SLC44A2: variants seen among roughly 807,000 people sequenced by gnomAD.
SLC44A2 encodes choline transporter-like protein 2.
SLC44A2 carries 57 observed loss-of-function variants against 90.8 expected under a neutral mutation model. That is an observed-to-expected ratio of 0.63 (90% CI 0.51 to 0.78). The LOEUF (loss-of-function observed/expected upper bound fraction) is 0.78, where lower values mean the gene tolerates loss of function less well. SLC44A2 is among the 30% of genes least tolerant of loss of function. SLC44A2 has a pLI of 0.00. For missense variants in SLC44A2, 794 were observed against 919.7 expected (o/e 0.86, Z 1.77); for synonymous variants, 355 against 360.7 (o/e 0.98, Z 0.18).
intron 21 of SLC44A2, chr19:10,642,886 G>A (rs1482819828): frequency 2.5e-6 from 4 of 1,580,622 alleles, no homozygotes; most frequent in South Asian, 2.3e-5. Flanking sequence ...CGGTTCCCGG[G>A]GGGAGCCCAG....
chr19:10,639,670 G>C (rs993951071), intron 20 of SLC44A2, among the ~76,000 whole-genome samples: 2 of 152,206 alleles, frequency 1.3e-5, no homozygotes, highest in Non-Finnish European at 2.9e-5. Context: ...CCTGAGGTCA[G>C]GGGTTTGAGA....
chr19:10,627,534 C>T (rs2066946776), intron 2 of SLC44A2, among the ~76,000 whole-genome samples, 188 bp from the exon 3 acceptor site: 1 of 152,074 alleles, frequency 6.6e-6, no homozygotes, highest in South Asian at 2.1e-4. Context: ...GAGTGAGACT[C>T]TGTTGCACAA....
At chr19:10,640,100 TTTTTTTC>T (rs1367521232) in intron 20 of SLC44A2, among the ~76,000 whole-genome samples, 1 of 86,074 alleles carries the variant, frequency 1.2e-5, no homozygotes, top group Non-Finnish European at 2.3e-5. Context: ...TTTTTTTTTT[TTTTTTTC>T]TGCGATAGAG....
At chr19:10,626,110 G>A (rs1161038609) in intron 1 of SLC44A2, 143 bp from the exon 2 acceptor site, 5 of 713,010 alleles carry the variant, frequency 7.0e-6, no homozygotes, top group African/African-American at 1.7e-5. Flanking sequence ...CTGGAGGTGG[G>A]TGAGGCAGAA....
At chr19:10,636,885 C>G in intron 16 of SLC44A2, 129 bp downstream of exon 16, 2 of 970,524 alleles carry the variant, frequency 2.1e-6, no homozygotes, top group Non-Finnish European at 3.0e-6. Flanking sequence ...CTGTCTATGA[C>G]GGGGTGGAGT....
At position 10,636,308 on chromosome 19, in the gene SLC44A2, C is replaced by G; in HGVS notation, c.1234-15C>G. The G allele has an allele frequency of 6.2e-7, 1 of 1,602,656 alleles. No homozygotes were observed. Reference sequence around the variant, plus strand: ...GTGCCTCTTTTTGGACTCGGTTCTCCCTTCTCTCCCACAGACCTTCCCCTC... The same window carrying G: ...GTGCCTCTTTTTGGACTCGGTTCTCGCTTCTCTCCCACAGACCTTCCCCTC... On this transcript the variant is annotated splice_polypyrimidine_tract_variant and intron_variant, in intron 14 of 21. Transcript: ENST00000335757.
Position 10,638,304 on chromosome 19 carries a change from G to T in SLC44A2, c.1918G>T (p.Val640Phe). The T allele has an allele frequency of 6.2e-7, 1 of 1,613,964 alleles. No homozygotes were observed. The highest frequency in any genetic ancestry group is 8.5e-7 in the Non-Finnish European group (1 of 1,179,904). ...DTAPPLNYYW[V>F]PILTVIVGSY... The stretch of plus-strand genomic sequence containing the variant: ...AGCACCACCCCTCAATTATTACTGG[G>T]TTCCTATACTGGTATGGACCTCTGG... The change falls in exon 20 of 22, where the codon GTT (valine) becomes TTT (phenylalanine). Residue 640 changes from valine to phenylalanine, a missense_variant. Physicochemically the swap from Val to Phe is conservative, Grantham distance 50. Transcript: ENST00000335757.
rs1039258353 is a variant in SLC44A2 at position 10,635,341 on chromosome 19, G to A, written c.1148+86G>A. ...GAAGTGACCTGCAGCTTAGGGATAG[G>A]GCTGGAAACTGGTGGGAGAATGGAT... On this transcript the variant is annotated intron_variant, in intron 13 of 21. Transcript: ENST00000335757. 11 of 1,604,744 alleles carry A rather than the reference G, an allele frequency of 6.9e-6. No homozygotes were observed. In the African/African-American group the frequency reaches 1.5e-4, roughly 21 times the overall value.
At position 10,641,861 on chromosome 19, in the gene SLC44A2, GA is replaced by G. The variant is rs893962170; in HGVS notation, c.1930-494del. On this transcript the variant is annotated intron_variant, in intron 20 of 21. Transcript: ENST00000335757. ...ACCGTGAGACCCTGTCTCAAAAAAA[GA>G]AAAAAAAAAAAGGCCGGGTGTGCGG... Among the ~76,000 whole-genome samples the G allele has an allele frequency of 2.6e-3, 315 of 120,062 alleles. 1 individual carries two copies. The highest frequency in any genetic ancestry group is 7.4e-3 in the African/African-American group (243 of 32,966). The allele number at this position is 120,062 out of a possible 152,430, so 78.8% of individuals were successfully genotyped here.
In SLC44A2 at chr19:10,626,320, G is replaced by C; in HGVS notation, c.86+19G>C. On this transcript the variant is annotated intron_variant, in intron 2 of 21. Transcript: ENST00000335757. ...ACAATAGGTAAGAGCTCTGGGTTTTGGGGGGTTCTCCCCGCTAATACTACC... is the reference window on the plus strand; with the variant it reads ...ACAATAGGTAAGAGCTCTGGGTTTTCGGGGGTTCTCCCCGCTAATACTACC... The C allele has an allele frequency of 6.3e-7, 1 of 1,590,696 alleles. No individual in the cohort carries two copies. The highest frequency in any genetic ancestry group is 8.6e-7 in the Non-Finnish European group (1 of 1,163,260).
intron 16 of SLC44A2, chr19:10,636,982 C>CT: frequency 1.9e-6 from 1 of 518,354 alleles, no homozygotes; most frequent in Non-Finnish European, 3.4e-6. Context: ...GGGGACAGGC[C>CT]CAAGAGGCCT....
intron 20 of SLC44A2, 68 bp from the exon 21 acceptor site, chr19:10,642,299 G>A: frequency 7.5e-7 from 1 of 1,333,540 alleles, no homozygotes; most frequent in Non-Finnish European, 1.1e-6. Context: ...AGCATAGGAT[G>A]GACTCAGGGG....
intron 20 of SLC44A2, among the ~76,000 whole-genome samples, chr19:10,641,957 T>C (rs1241407700): frequency 3.3e-5 from 5 of 151,716 alleles, no homozygotes; most frequent in Non-Finnish European, 5.9e-5. Context: ...GTCAGGCGTT[T>C]GAGACCAGCC....
At chr19:10,633,517 A>G (rs2067019456) in intron 10 of SLC44A2, among the ~76,000 whole-genome samples, 1 of 152,124 alleles carries the variant, frequency 6.6e-6, no homozygotes, top group African/African-American at 2.4e-5. Context: ...GTTCAGTGGC[A>G]CAATCACAGC....
chr19:10,616,484 C>G (rs2066856206), intron 1 of SLC44A2, among the ~76,000 whole-genome samples: 1 of 152,080 alleles, frequency 6.6e-6, no homozygotes, highest in Admixed American at 6.6e-5. Flanking sequence ...ATCTCCTGGA[C>G]TCAAGTGATC....
At chr19:10,636,896 T>G (rs1305177242) in intron 16 of SLC44A2, 140 bp downstream of exon 16, 3 of 896,138 alleles carry the variant, frequency 3.3e-6, no homozygotes, top group East Asian at 5.4e-5. Flanking sequence ...GGGGTGGAGT[T>G]CAGGAGTTGG....
At chr19:10,629,261 C>CTATTAT (rs6146468) in intron 4 of SLC44A2, among the ~76,000 whole-genome samples, 4,190 of 144,350 alleles carry the variant, frequency 0.029, 97 homozygotes, top group Non-Finnish European at 0.045. Context: ...AGTTTTTAAA[C>CTATTAT]TATTATTATT....
chr19:10,641,421 C>T (rs1356851634), intron 20 of SLC44A2: 1 of 445,420 alleles, frequency 2.2e-6, no homozygotes, highest in Non-Finnish European at 4.5e-6. Flanking sequence ...AAAACGCCCA[C>T]TCTAGGTGTC....
chr19:10,636,795 G>C (rs764417865), intron 16 of SLC44A2, 39 bp downstream of exon 16: 1 of 1,585,204 alleles, frequency 6.3e-7, no homozygotes, highest in South Asian at 1.1e-5. Context: ...TCCTGTTGCG[G>C]GGCGAGGCTG....
Sources: allele counts gnomAD v4.1 joint callset (sites outside exome capture counted in the v4.1 genomes callset), GRCh38; gene constraint gnomAD v4.1.1; transcripts MANE v1.5; gene names NCBI Gene and HGNC (gene_info 2026-07-23, HGNC 2026-07-21).